The following DENND1A variants were observed in gnomAD, a reference collection of about 807,000 sequenced individuals.
DENND1A encodes the protein DENN domain-containing protein 1A.
Under a neutral mutation model 113.7 loss-of-function variants are expected in DENND1A, and 51 were observed. That is an observed-to-expected ratio of 0.45 (90% CI 0.36 to 0.57). The LOEUF (loss-of-function observed/expected upper bound fraction) is 0.57, where lower values mean the gene tolerates loss of function less well. DENND1A is among the 20% of genes least tolerant of loss of function. The probability of loss-of-function intolerance (pLI) is 0.00; values close to 1 mark genes in which losing one functional copy is unlikely to be tolerated. For synonymous variants in DENND1A, 565 were observed against 570.8 expected (o/e 0.99, Z 0.14); for missense variants, 1,258 against 1,395.9 (o/e 0.90, Z 1.57).
intron 15 of DENND1A, 106 bp downstream of exon 15, chr9:123,457,242 T>C: frequency 1.2e-6 from 1 of 854,724 alleles, no homozygotes; most frequent in Non-Finnish European, 2.0e-6. Context: ...AAGCAGTCTC[T>C]TCCTAAGCCC....
intron 1 of DENND1A, among the ~76,000 whole-genome samples, chr9:123,902,007 A>AAAAT (rs903864742): frequency 1.3e-5 from 2 of 152,118 alleles, no homozygotes; most frequent in East Asian, 1.9e-4. Context: ...CTCCGTCTCA[A>AAAAT]AAATAAATAA....
chr9:123,589,647 GA>G (rs58211177), intron 11 of DENND1A, among the ~76,000 whole-genome samples: 4,242 of 35,382 alleles, frequency 0.12, 53 homozygotes, highest in African/African-American at 0.17. Flanking sequence ...TTCTCAGAAT[GA>G]AAAAAAAAAA....
intron 13 of DENND1A, among the ~76,000 whole-genome samples, chr9:123,517,073 A>T (rs1298406086): frequency 6.6e-6 from 1 of 151,678 alleles, no homozygotes; most frequent in African/African-American, 2.4e-5. Flanking sequence ...ATATAAGGTG[A>T]AACCCTGTCT....
chr9:123,667,242 T>G (rs967824154), intron 7 of DENND1A, among the ~76,000 whole-genome samples, 163 bp from the exon 8 acceptor site: 16 of 152,226 alleles, frequency 1.1e-4, no homozygotes, highest in Admixed American at 1.0e-3. Flanking sequence ...TAATGTCAGA[T>G]TGAACCAGAT....
chr9:123,708,537 A>C (rs2066377895), intron 5 of DENND1A, among the ~76,000 whole-genome samples: 1 of 152,210 alleles, frequency 6.6e-6, no homozygotes. Flanking sequence ...TTGCACATTT[A>C]CTTCAGAGTC....
chr9:123,391,147 C>T (rs1304708477), intron 21 of DENND1A, among the ~76,000 whole-genome samples: 1 of 152,228 alleles, frequency 6.6e-6, no homozygotes, highest in Non-Finnish European at 1.5e-5. Context: ...AGAGAGGGAA[C>T]CGCAGTTTCC....
At chr9:123,890,869 T>C (rs1330756017) in intron 1 of DENND1A, among the ~76,000 whole-genome samples, 1 of 152,172 alleles carries the variant, frequency 6.6e-6, no homozygotes, top group Non-Finnish European at 1.5e-5. Flanking sequence ...TGTATGCTAA[T>C]ATACATACAC....
At chr9:123,686,631 C>A (rs1380814841) in intron 5 of DENND1A, among the ~76,000 whole-genome samples, 1 of 152,126 alleles carries the variant, frequency 6.6e-6, no homozygotes. Flanking sequence ...ATATAAATAG[C>A]TCAATTTAAA....
chr9:123,500,972 A>T (rs2134232352), intron 13 of DENND1A, among the ~76,000 whole-genome samples: 1 of 152,346 alleles, frequency 6.6e-6, no homozygotes, highest in East Asian at 1.9e-4. Context: ...GATTATTTTT[A>T]AGTGTACGGT....
At chr9:123,836,567 G>A (rs1841078693) in intron 2 of DENND1A, among the ~76,000 whole-genome samples, 1 of 152,080 alleles carries the variant, frequency 6.6e-6, no homozygotes. Flanking sequence ...TAGCCAAAAA[G>A]GTGGTTAAGT....
intron 13 of DENND1A, among the ~76,000 whole-genome samples, chr9:123,555,046 C>T (rs904559999): frequency 6.6e-6 from 1 of 152,182 alleles, no homozygotes; most frequent in South Asian, 2.1e-4. Flanking sequence ...TTAAGCATTT[C>T]CTTTTGCAAC....
chr9:123,816,896 C>T (rs142381227), intron 2 of DENND1A, among the ~76,000 whole-genome samples: 85 of 152,252 alleles, frequency 5.6e-4, no homozygotes, highest in Non-Finnish European at 8.8e-5. Flanking sequence ...AGTCCCAGGG[C>T]GAACTCCATT....
intron 2 of DENND1A, among the ~76,000 whole-genome samples, chr9:123,819,730 G>T (rs1231908986): frequency 6.6e-6 from 1 of 152,024 alleles, no homozygotes; most frequent in Non-Finnish European, 1.5e-5. Flanking sequence ...TAGAGACACG[G>T]TTTCACCATG....
chr9:123,475,591 CT>C (rs910291498), intron 13 of DENND1A, among the ~76,000 whole-genome samples: 3 of 152,236 alleles, frequency 2.0e-5, no homozygotes, highest in Admixed American at 6.5e-5. Context: ...CGAGGCCCCC[CT>C]GGCCTGCTGC....
intron 4 of DENND1A, among the ~76,000 whole-genome samples, chr9:123,758,147 T>G (rs2070737692): frequency 6.6e-6 from 1 of 152,172 alleles, no homozygotes; most frequent in Non-Finnish European, 1.5e-5. Context: ...ATTTTGCTGA[T>G]GAAGAAATAG....
Position 123,381,499 on chromosome 9 carries a change from C to G in DENND1A, c.3146G>C (p.Ser1049Thr), listed in dbSNP as rs753309845. ...GTCTGGGGCCGGGGCCAGGGCCGGA[C>G]TCGGGCTCACGTCTTGCTTGGTTTT... ...LQKTKQDVSP[S>T]PALAPAPDSV... Residue 1049 changes from serine to threonine, a missense_variant, in exon 24 of 24, where the codon AGT becomes ACT. Around this residue, in one of 2 missense-constraint regions of DENND1A, gnomAD observed 1,159 missense variants for 1,231.7 expected, o/e 0.94. Transcript: ENST00000394215. This position sits in a 1 kb window ranked among gnomAD's most constrained non-coding sequence, Gnocchi z 4.7. 3.1e-6 allele frequency: 5 copies of G among 1,613,576 alleles called. No homozygotes were observed. In the Admixed American group the frequency reaches 8.3e-5, roughly 27 times the overall value.
At chr9:123,436,810 C>T (rs974793917) in intron 19 of DENND1A, among the ~76,000 whole-genome samples, 2 of 151,172 alleles carry the variant, frequency 1.3e-5, no homozygotes, top group Non-Finnish European at 2.9e-5. Flanking sequence ...TGCAGTGGTG[C>T]GATCTCAGCT....
intron 13 of DENND1A, among the ~76,000 whole-genome samples, chr9:123,507,185 T>G (rs1198702158): frequency 6.6e-6 from 1 of 152,042 alleles, no homozygotes; most frequent in Non-Finnish European, 1.5e-5. Flanking sequence ...TGAGACTCCG[T>G]CTCAAAAAGA....
intron 12 of DENND1A, among the ~76,000 whole-genome samples, chr9:123,569,279 T>C (rs1266857652): frequency 6.6e-6 from 1 of 152,096 alleles, no homozygotes; most frequent in African/African-American, 2.4e-5. Context: ...GAGCCAAACA[T>C]CCTCAAAGAT....
Sources: gnomAD v4.1 joint callset for allele counts (sites outside exome capture counted in the v4.1 genomes callset) on GRCh38, gnomAD v4.1.1 for gene constraint, gnomAD v4.1.1 regional missense constraint, Gnocchi (gnomAD v3.1) non-coding constraint, MANE v1.5 for transcripts, NCBI Gene and HGNC (gene_info 2026-07-23, HGNC 2026-07-21) for gene names.